The following PPIP5K2 variants were observed in gnomAD, a reference collection of about 807,000 sequenced individuals.
PPIP5K2 encodes inositol hexakisphosphate and diphosphoinositol-pentakisphosphate kinase 2.
PPIP5K2 carries 105 observed loss-of-function variants against 154.6 expected under a neutral mutation model. The ratio of observed to expected loss-of-function variants is 0.68; its 90% CI spans 0.58 to 0.80. The LOEUF (loss-of-function observed/expected upper bound fraction) is 0.80. Among genes scored for constraint, PPIP5K2 ranks in the 30% least tolerant of loss-of-function variants. PPIP5K2 has a pLI of 0.00. For synonymous variants in PPIP5K2, 480 were observed against 490.3 expected (o/e 0.98, Z 0.28); for missense variants, 992 against 1,504.6 (o/e 0.66, Z 5.64).
intron 5 of PPIP5K2, among the ~76,000 whole-genome samples, chr5:103,144,070 T>A (rs1199971493): frequency 6.6e-6 from 1 of 151,962 alleles, no homozygotes; most frequent in Admixed American, 6.6e-5. Context: ...TTAGAACAAG[T>A]TCAGTAAAGT....
At chr5:103,121,337 C>A (rs34783) in intron 1 of PPIP5K2, among the ~76,000 whole-genome samples, 35,737 of 152,076 alleles carry the variant, frequency 0.23, 5,043 homozygotes, top group East Asian at 0.45. Flanking sequence ...GTCATTTATT[C>A]CTCTCAACAA....
intron 19 of PPIP5K2, among the ~76,000 whole-genome samples, chr5:103,168,640 G>T (rs1457673789): frequency 2.6e-5 from 4 of 151,646 alleles, no homozygotes; most frequent in Non-Finnish European, 5.9e-5. Flanking sequence ...TCCCCCACAA[G>T]AATGGTGCAT....
At chr5:103,146,455 C>A (rs1160592706) in intron 5 of PPIP5K2, 72 bp from the exon 6 acceptor site, 16 of 1,437,746 alleles carry the variant, frequency 1.1e-5, no homozygotes, top group Non-Finnish European at 1.1e-5. Flanking sequence ...AAAAAGTCCT[C>A]GATAATAATG....
At chr5:103,176,889 T>C in intron 21 of PPIP5K2, 3 of 1,448,330 alleles carry the variant, frequency 2.1e-6, no homozygotes, top group Non-Finnish European at 2.8e-6. Context: ...AGAATGAAGA[T>C]GGAGGAATGG....
At chr5:103,178,980 T>C (rs991406381) in intron 23 of PPIP5K2, among the ~76,000 whole-genome samples, 1 of 151,958 alleles carries the variant, frequency 6.6e-6, no homozygotes, top group Admixed American at 6.6e-5. Context: ...CAGTTTTGTA[T>C]AAAAATTTTA....
At chr5:103,132,545 C>CAA (rs1215595686) in intron 2 of PPIP5K2, among the ~76,000 whole-genome samples, 1 of 138,036 alleles carries the variant, frequency 7.2e-6, no homozygotes, top group Non-Finnish European at 1.6e-5. Flanking sequence ...GACTTTGTCT[C>CAA]AAAAAAAAAA....
intron 1 of PPIP5K2, among the ~76,000 whole-genome samples, chr5:103,128,386 CTTATTTATTTATTTATTTAT>C (rs10607990): frequency 2.0e-5 from 3 of 148,282 alleles, no homozygotes; most frequent in Admixed American, 6.8e-5. Context: ...TCTTATAGTT[CTTATTTATTTATTTATTTAT>C]TTATTTATTT....
chr5:103,147,206 T>C (rs1385626721), intron 6 of PPIP5K2, among the ~76,000 whole-genome samples: 2 of 151,944 alleles, frequency 1.3e-5, no homozygotes, highest in Non-Finnish European at 2.9e-5. Context: ...CTTAACAATA[T>C]AATTTAGCAA....
At chr5:103,157,756 T>C (rs1795646265) in intron 14 of PPIP5K2, among the ~76,000 whole-genome samples, 1 of 152,130 alleles carries the variant, frequency 6.6e-6, no homozygotes, top group Admixed American at 6.6e-5. Context: ...TAAGGTATTT[T>C]CTTTCATGGG....
intron 1 of PPIP5K2, among the ~76,000 whole-genome samples, chr5:103,125,473 A>G (rs1554200430): frequency 6.8e-6 from 1 of 146,324 alleles, no homozygotes. Flanking sequence ...TTTTTTTTAT[A>G]TGACATCTCT....
chr5:103,158,255 C>A lies in PPIP5K2; in HGVS notation c.1557C>A (p.Gly519=). The A allele has an allele frequency of 6.2e-7, 1 of 1,614,006 alleles. No homozygotes were observed. The highest frequency in any genetic ancestry group is 8.5e-7 in the Non-Finnish European group (1 of 1,179,932). Residue 519 remains glycine (G), a synonymous_variant, in exon 15 of 31, where the codon GGC becomes GGA. Transcript: ENST00000358359. ...LKWGGELTPA[G]RVQAEELGRA... ...GGGGAGGTGAATTAACTCCTGCAGG[C>A]AGGGTCCAGGCTGAAGAACTTGGAA...
At chr5:103,139,188 CGT>C (rs1323146106) in intron 5 of PPIP5K2, among the ~76,000 whole-genome samples, 2 of 152,120 alleles carry the variant, frequency 1.3e-5, no homozygotes, top group African/African-American at 4.8e-5. Flanking sequence ...AGGCAAAATA[CGT>C]GTTTGTCTTG....
rs1792178228 is a variant in PPIP5K2 at position 103,139,478 on chromosome 5, A to C, written c.487+1009A>C. ...GGACTTAGGGCGCCCCCTAGTGCTA[A>C]TACAGCTGCAGTGACCTCAGGCTTA... is the stretch of plus-strand genomic sequence containing the variant. On this transcript the variant is annotated intron_variant, in intron 5 of 30. Transcript: ENST00000358359. Among the ~76,000 whole-genome samples, 3 of 152,236 alleles carry C rather than the reference A, an allele frequency of 2.0e-5. No homozygotes were observed. The South Asian group carries it at 6.2e-4, about 31-fold the overall frequency.
rs1349631461 is a variant in PPIP5K2 at position 103,211,021 on chromosome 5, A to G, written c.*9387A>G. On this transcript the variant is annotated 3_prime_UTR_variant, in exon 31 of 31. Coordinates refer to ENST00000358359, the MANE Select transcript of PPIP5K2 (RefSeq NM_001276277.3). ...TGTAAAGGCAGATGGCCGTGAGTGGAAATCTGAGTGTATAGGATGTGTTTC... is the reference window on the plus strand; with the variant it reads ...TGTAAAGGCAGATGGCCGTGAGTGGGAATCTGAGTGTATAGGATGTGTTTC... 6.6e-6 allele frequency: 1 copy of G among 152,106 alleles called. No individual in the cohort carries two copies. The highest frequency in any genetic ancestry group is 1.9e-4 in the East Asian group (1 of 5,184). The allele number at this position is 152,106 out of a possible 1,614,324, so 9.4% of individuals were successfully genotyped here.
chr5:103,133,535 G>C lies in PPIP5K2; in HGVS notation c.197G>C (p.Arg66Pro). 1 of 1,612,516 alleles carries C rather than the reference G, an allele frequency of 6.2e-7. No homozygotes were observed. Reference sequence around the variant, plus strand: ...AAACCAATGAAGGAAATTCTTGAACGGATCTCCTTATTTAAATATATCACA... The same window carrying C: ...AAACCAATGAAGGAAATTCTTGAACCGATCTCCTTATTTAAATATATCACA... ...KSKPMKEILE[R>P]ISLFKYITVV... is the part of the protein sequence containing the mutation. Residue 66 changes from arginine to proline, a missense_variant, in exon 3 of 31, where the codon CGG becomes CCG. Coordinates refer to ENST00000358359, the MANE Select transcript of PPIP5K2 (RefSeq NM_001276277.3).
intron 4 of PPIP5K2, 36 bp from the exon 5 acceptor site, chr5:103,138,348 C>T (rs782135128): frequency 1.6e-6 from 2 of 1,220,472 alleles, no homozygotes; most frequent in Non-Finnish European, 2.3e-6. Flanking sequence ...TGAAATGGAG[C>T]AATAAAACAA....
At position 103,133,537 on chromosome 5, in the gene PPIP5K2, A is replaced by C; in HGVS notation, c.199A>C (p.Ile67Leu). The C allele has an allele frequency of 6.2e-7, 1 of 1,612,848 alleles. No homozygotes were observed. The highest frequency in any genetic ancestry group is 8.5e-7 in the Non-Finnish European group (1 of 1,179,626). ...SKPMKEILER[I>L]SLFKYITVVV... ...ACCAATGAAGGAAATTCTTGAACGG[A>C]TCTCCTTATTTAAATATATCACAGT... The change falls in exon 3 of 31, where the codon ATC becomes CTC. Residue 67 changes from isoleucine to leucine, a missense_variant. Ile to Leu is a conservative substitution (Grantham distance 5). This residue lies in a region of PPIP5K2 where 153 missense variants were observed against 200.4 expected (regional missense o/e 0.76). Coordinates refer to ENST00000358359, the MANE Select transcript of PPIP5K2 (RefSeq NM_001276277.3).
intron 4 of PPIP5K2, among the ~76,000 whole-genome samples, chr5:103,137,126 C>G (rs542112604): frequency 6.6e-6 from 1 of 151,736 alleles, no homozygotes; most frequent in East Asian, 1.9e-4. Flanking sequence ...TGTCATGGGA[C>G]TGATGATGAA....
chr5:103,179,791 A>G (rs1212753770), intron 23 of PPIP5K2, among the ~76,000 whole-genome samples: 2 of 152,036 alleles, frequency 1.3e-5, no homozygotes, highest in South Asian at 2.1e-4. Context: ...TTTACTGTTT[A>G]ATTTCTCCAT....
Sources: allele counts gnomAD v4.1 joint callset (sites outside exome capture counted in the v4.1 genomes callset), GRCh38; gene constraint gnomAD v4.1.1; regional missense constraint gnomAD v4.1.1; transcripts MANE v1.5; gene names NCBI Gene and HGNC (gene_info 2026-07-23, HGNC 2026-07-21).